The following SNX6 variants were observed in gnomAD, a reference collection of about 807,000 sequenced individuals.
SNX6 encodes the protein sorting nexin-6.
SNX6 carries 34 observed loss-of-function variants against 63.0 expected under a neutral mutation model. The observed-to-expected ratio is 0.54, with a 90% CI of 0.41 to 0.72. The LOEUF (loss-of-function observed/expected upper bound fraction) is 0.72, where lower values mean the gene tolerates loss of function less well. Among genes scored for constraint, SNX6 ranks in the 30% least tolerant of loss-of-function variants. The pLI, the probability that SNX6 is intolerant of heterozygous loss-of-function variation, is 0.00. For synonymous variants in SNX6, 170 were observed against 164.2 expected (o/e 1.04, Z -0.27); for missense variants, 398 against 471.4 (o/e 0.84, Z 1.44).
At chr14:34,567,009 T>C (rs1044242720) in intron 13 of SNX6, among the ~76,000 whole-genome samples, 1 of 151,902 alleles carries the variant, frequency 6.6e-6, no homozygotes, top group Non-Finnish European at 1.5e-5. Context: ...TATCACCTCA[T>C]GTCAGGAGTT....
intron 4 of SNX6, among the ~76,000 whole-genome samples, chr14:34,606,544 C>A (rs1022539293): frequency 1.3e-5 from 2 of 152,028 alleles, no homozygotes; most frequent in Admixed American, 1.3e-4. Context: ...CCTCTGCCTC[C>A]TGGGTTCAAG....
At chr14:34,621,239 G>A (rs781500970) in intron 2 of SNX6, among the ~76,000 whole-genome samples, 15 of 152,040 alleles carry the variant, frequency 9.9e-5, no homozygotes, top group Non-Finnish European at 1.5e-4. Flanking sequence ...GAGCCACTGC[G>A]TCAGCTTCTC....
intron 4 of SNX6, among the ~76,000 whole-genome samples, chr14:34,606,933 G>A (rs1486553884): frequency 1.3e-5 from 2 of 151,652 alleles, no homozygotes; most frequent in South Asian, 4.2e-4. Context: ...CAGCCACAAC[G>A]CCCAGCTAAT....
At chr14:34,570,535 C>T (rs2138266874) in intron 11 of SNX6, among the ~76,000 whole-genome samples, 1 of 151,942 alleles carries the variant, frequency 6.6e-6, no homozygotes, top group African/African-American at 2.4e-5. Context: ...AATTCTCCAC[C>T]TCAGCCTCCC....
intron 13 of SNX6, among the ~76,000 whole-genome samples, chr14:34,567,080 T>C (rs1022135582): frequency 2.7e-5 from 4 of 149,364 alleles, no homozygotes; most frequent in Admixed American, 6.7e-5. Context: ...AAAAATTAGC[T>C]GGGTGTGGTG....
chr14:34,564,432 G>T (rs957164245), intron 13 of SNX6, among the ~76,000 whole-genome samples: 3 of 152,190 alleles, frequency 2.0e-5, no homozygotes, highest in African/African-American at 7.2e-5. Flanking sequence ...ATTGCAAAAT[G>T]TCCTCTGGGG....
chr14:34,605,961 G>C (rs1326575152), intron 4 of SNX6, among the ~76,000 whole-genome samples: 1 of 151,780 alleles, frequency 6.6e-6, no homozygotes, highest in East Asian at 2.0e-4. Flanking sequence ...ATCACCTGAG[G>C]TCAGGAGTTC....
chr14:34,587,088 C>G (rs1209443460), intron 8 of SNX6, among the ~76,000 whole-genome samples: 1 of 148,854 alleles, frequency 6.7e-6, no homozygotes, highest in Non-Finnish European at 1.5e-5. Flanking sequence ...ACATGATCAT[C>G]TATGTAAAAA....
At position 34,630,052 on chromosome 14, in the gene SNX6, GC is replaced by G. The variant is rs996407306; in HGVS notation, c.6+58del. 26 of 1,454,002 alleles carry G rather than the reference GC, an allele frequency of 1.8e-5. No individual in the cohort carries two copies. In the African/African-American group the frequency reaches 3.9e-4, roughly 22 times the overall value. The allele number at this position is 1,454,002 out of a possible 1,614,324, so 90.1% of individuals were successfully genotyped here. A position where few individuals can be genotyped will look rare whatever the true frequency, so the allele number is the denominator to read the frequency against. ...ACAGGCTGGCGCGGTCCCCGCGCCCGCCCCGCGCCCGCTGCCCCCACCGCGC... is the reference window on the plus strand; with the variant it reads ...ACAGGCTGGCGCGGTCCCCGCGCCCGCCCGCGCCCGCTGCCCCCACCGCGC... On this transcript the variant is annotated intron_variant, in intron 1 of 13. Transcript: ENST00000362031.
At chr14:34,571,439 A>C (rs1046720251) in intron 11 of SNX6, among the ~76,000 whole-genome samples, 10 of 152,312 alleles carry the variant, frequency 6.6e-5, no homozygotes, top group African/African-American at 1.9e-4. Context: ...TCTCAAAAAA[A>C]AACAACAACA....
chr14:34,578,906 T>C (rs1251280178), intron 10 of SNX6, among the ~76,000 whole-genome samples: 2 of 108,278 alleles, frequency 1.8e-5, no homozygotes, highest in Non-Finnish European at 3.4e-5. Context: ...GCCACTGCAC[T>C]CCAGCCTGGC....
At chr14:34,586,956 C>T (rs2138306525) in intron 8 of SNX6, among the ~76,000 whole-genome samples, 1 of 137,290 alleles carries the variant, frequency 7.3e-6, no homozygotes, top group Middle Eastern at 4.1e-3. Context: ...TTGCAGTGAG[C>T]CGAGATCACA....
intron 2 of SNX6, among the ~76,000 whole-genome samples, chr14:34,617,900 G>T (rs1335839955): frequency 1.6e-4 from 24 of 150,122 alleles, no homozygotes; most frequent in Admixed American, 1.3e-3. Context: ...CAGCCTGGGG[G>T]ACAGAGCAAG....
chr14:34,591,240 A>AAG (rs1555326246), intron 8 of SNX6, among the ~76,000 whole-genome samples: 1 of 150,324 alleles, frequency 6.7e-6, no homozygotes, highest in Admixed American at 6.7e-5. Flanking sequence ...TAAAAAAAAA[A>AAG]CCCTCACTGG....
Position 34,567,896 on chromosome 14 carries a change from A to G in SNX6, c.1039T>C (p.Cys347Arg). ...GATATTTTTTCAAATTTCTGACAAC[A>G]TAATTGTTGGGAAGTTTCGGCCTGT... ...VLQAETSQQL[C>R]CQKFEKISES... is the part of the protein sequence containing the mutation. The change falls in exon 12 of 14, where the codon TGT becomes CGT. Residue 347 changes from cysteine (C) to arginine (R), a missense_variant. Physicochemically the swap from Cys to Arg is radical, Grantham distance 180 (BLOSUM62 -3). Transcript: ENST00000362031. 6.2e-7 allele frequency: 1 copy of G among 1,614,096 alleles called. No individual in the cohort carries two copies. The highest frequency in any genetic ancestry group is 1.7e-4 in the Middle Eastern group (1 of 6,024).
At position 34,629,931 on chromosome 14, in the gene SNX6, G is replaced by C; in HGVS notation, c.30C>G (p.Asp10Glu). Residue 10 changes from aspartate to glutamate, a missense_variant, in exon 2 of 14, where the codon GAC becomes GAG. Coordinates refer to ENST00000362031, the MANE Select transcript of SNX6 (RefSeq NM_152233.4). Reference protein sequence around the residue: MMEGLDDGPDFLSEEDRGLK... With the variant: MMEGLDDGPEFLSEEDRGLK... ...CTCCGCGGTCCTCTTCTGAGAGGAA[G>C]TCCGGGCCGTCGTCCAGGCCTTCCT... 6.4e-7 allele frequency: 1 copy of C among 1,551,890 alleles called. No individual in the cohort carries two copies. Among genetic ancestry groups the C allele is most frequent in the Non-Finnish European group, 8.7e-7 (1 of 1,150,080 alleles).
rs529698922 is a variant in SNX6 at position 34,621,722 on chromosome 14, T to C, written c.54+8185A>G. On this transcript the variant is annotated intron_variant, in intron 2 of 13. Coordinates refer to ENST00000362031, the MANE Select transcript of SNX6 (RefSeq NM_152233.4). ...TTCTCCTTCTCCCTTGCCCAGCCCA[T>C]GTATTACTTATTCAGTCACTATGTC... 1.1e-3 allele frequency among the ~76,000 whole-genome samples: 167 copies of C among 152,278 alleles called. 1 individual carries two copies. Among genetic ancestry groups the C allele is most frequent in the African/African-American group, 3.8e-3 (160 of 41,570 alleles).
At chr14:34,602,992 CTT>C (rs887928859) in intron 6 of SNX6, among the ~76,000 whole-genome samples, 1 of 118,448 alleles carries the variant, frequency 8.4e-6, no homozygotes, top group Admixed American at 9.2e-5. Context: ...AAAAAAAAAA[CTT>C]GGGCTGGGCG....
chr14:34,623,135 T>C (rs1465518532), intron 2 of SNX6, among the ~76,000 whole-genome samples: 1 of 152,184 alleles, frequency 6.6e-6, no homozygotes, highest in Non-Finnish European at 1.5e-5. Context: ...GCCAACATAA[T>C]ATATGTCACA....
Sources: gnomAD v4.1 joint callset for allele counts (sites outside exome capture counted in the v4.1 genomes callset) on GRCh38, gnomAD v4.1.1 for gene constraint, MANE v1.5 for transcripts, NCBI Gene and HGNC (gene_info 2026-07-23, HGNC 2026-07-21) for gene names.